PALS1: variants seen among roughly 807,000 people sequenced by gnomAD.
PALS1 encodes the protein protein associated with LIN7 1, MAGUK p55 family member.
Under a neutral mutation model 78.9 loss-of-function variants are expected in PALS1, and 31 were observed. That is an observed-to-expected ratio of 0.39 (90% CI 0.30 to 0.53). The LOEUF (loss-of-function observed/expected upper bound fraction) is 0.53. Ranked by LOEUF, PALS1 falls within the 20% of genes least tolerant of loss-of-function variation. The pLI is 0.67. For missense variants in PALS1, 704 were observed against 826.5 expected (o/e 0.85, Z 1.82); for synonymous variants, 276 against 270.9 (o/e 1.02, Z -0.18).
chr14:67,246,541 A>G (rs1320282266), intron 1 of PALS1, among the ~76,000 whole-genome samples: 1 of 151,382 alleles, frequency 6.6e-6, no homozygotes, highest in African/African-American at 2.4e-5. Flanking sequence ...AGATCTCCCT[A>G]TATTGCCCAA....
Position 67,279,219 on chromosome 14 carries a change from G to C in PALS1, c.49G>C (p.Glu17Gln), listed in dbSNP as rs781290440. 1 of 1,612,254 alleles carries C rather than the reference G, an allele frequency of 6.2e-7. No individual in the cohort carries two copies. Among genetic ancestry groups the C allele is most frequent in the Admixed American group, 1.7e-5 (1 of 59,468 alleles). Reference protein sequence around the residue: ...NGHVTEESDSEVKNVDLASPE... With the variant: ...NGHVTEESDSQVKNVDLASPE... ...GCATGTTACAGAGGAATCAGACAGC[G>C]AAGTAAAAAATGTTGATCTTGCATC... The change falls in exon 3 of 15, where the codon GAA (glutamate) becomes CAA (glutamine). Residue 17 changes from glutamate to glutamine, a missense_variant. Glu to Gln is a conservative substitution (Grantham distance 29). Coordinates refer to ENST00000261681, the MANE Select transcript of PALS1 (RefSeq NM_022474.4).
At chr14:67,313,615 A>G (rs1016188251) in intron 9 of PALS1, among the ~76,000 whole-genome samples, 5 of 152,218 alleles carry the variant, frequency 3.3e-5, no homozygotes, top group Admixed American at 3.3e-4. Flanking sequence ...GAATACATAC[A>G]GGATGATAAA....
At position 67,335,163 on chromosome 14, in the gene PALS1, C is replaced by CCCCTT. The variant is rs2085510091; in HGVS notation, c.*2210_*2214dup. 1 of 152,174 alleles carries CCCCTT rather than the reference C, an allele frequency of 6.6e-6. No homozygotes were observed. Among genetic ancestry groups the CCCCTT allele is most frequent in the Admixed American group, 6.5e-5 (1 of 15,272 alleles). The allele number at this position is 152,174 out of a possible 1,614,324, so 9.4% of individuals were successfully genotyped here. A position where few individuals can be genotyped will look rare whatever the true frequency, so the allele number is the denominator to read the frequency against. ...GTCAGTGAAGTCTATCAATCATTCT[C>CCCCTT]CCCTTCCTCATCAGCAATGGTAGAT... On this transcript the variant is annotated 3_prime_UTR_variant, in exon 15 of 15. Transcript: ENST00000261681.
At chr14:67,317,593 A>G in intron 11 of PALS1, 114 bp downstream of exon 11, 1 of 644,610 alleles carries the variant, frequency 1.6e-6, no homozygotes, top group Non-Finnish European at 2.5e-6. Flanking sequence ...AGTAGAAAGT[A>G]TTTTCTTTTG....
intron 1 of PALS1, among the ~76,000 whole-genome samples, chr14:67,267,704 A>G (rs1483270147): frequency 6.6e-6 from 1 of 152,222 alleles, no homozygotes; most frequent in Non-Finnish European, 1.5e-5. Flanking sequence ...ATCTAATATT[A>G]GGACACTTTT....
At chr14:67,308,463 T>G (rs1249414978) in intron 8 of PALS1, among the ~76,000 whole-genome samples, 1 of 151,986 alleles carries the variant, frequency 6.6e-6, no homozygotes, top group Non-Finnish European at 1.5e-5. Flanking sequence ...AAATTTATAC[T>G]TTTCCAAAGG....
At chr14:67,243,210 A>T (rs1473052263) in intron 1 of PALS1, among the ~76,000 whole-genome samples, 1 of 151,170 alleles carries the variant, frequency 6.6e-6, no homozygotes, top group African/African-American at 2.4e-5. Context: ...TTTTTGTGAG[A>T]CATAGTCTCG....
chr14:67,326,643 C>T (rs2085363107), intron 14 of PALS1, among the ~76,000 whole-genome samples: 1 of 152,048 alleles, frequency 6.6e-6, no homozygotes, highest in Non-Finnish European at 1.5e-5. Context: ...TCCATTCTTT[C>T]TTTCTGGCAA....
chr14:67,305,340 A>G (rs7158751), intron 8 of PALS1, among the ~76,000 whole-genome samples: 23,397 of 151,664 alleles, frequency 0.15, 3,379 homozygotes, highest in East Asian at 0.42. Flanking sequence ...GAGTGCAGTG[A>G]TGTGATCACG....
At chr14:67,295,659 T>TA (rs1166115869) in intron 4 of PALS1, among the ~76,000 whole-genome samples, 1 of 152,132 alleles carries the variant, frequency 6.6e-6, no homozygotes, top group African/African-American at 2.4e-5. Context: ...CATAATGAGA[T>TA]ACAGTTACAC....
rs532247458 is a variant in PALS1, at chr14:67,258,308, G to C, written c.-236-11393G>C. Among the ~76,000 whole-genome samples the C allele has an allele frequency of 2.6e-5, 4 of 152,196 alleles. No individual in the cohort carries two copies. The South Asian group carries it at 8.3e-4, about 32-fold the overall frequency. On this transcript the variant is annotated intron_variant, in intron 1 of 14. Coordinates refer to ENST00000261681, the MANE Select transcript of PALS1 (RefSeq NM_022474.4). ...CTAGCACTTTGGGATCCCAAGGCAG[G>C]TGGATCGCATGAGCTCAGGAGTTCG...
At chr14:67,251,525 C>T (rs182451692) in intron 1 of PALS1, among the ~76,000 whole-genome samples, 2 of 152,044 alleles carry the variant, frequency 1.3e-5, no homozygotes, top group African/African-American at 4.8e-5. Flanking sequence ...AGCAACAGAA[C>T]GAGAACCTGT....
intron 7 of PALS1, 77 bp downstream of exon 7, chr14:67,302,648 A>C: frequency 8.8e-7 from 1 of 1,139,740 alleles, no homozygotes; most frequent in Non-Finnish European, 1.2e-6. Flanking sequence ...AATATTTTTA[A>C]AATAACTGTT....
At chr14:67,260,451 A>T (rs1214859564) in intron 1 of PALS1, among the ~76,000 whole-genome samples, 1 of 152,246 alleles carries the variant, frequency 6.6e-6, no homozygotes, top group Non-Finnish European at 1.5e-5. Context: ...CTCATCAAAT[A>T]TGAGTTAACA....
At chr14:67,286,685 A>C (rs1220753196) in intron 3 of PALS1, among the ~76,000 whole-genome samples, 1 of 149,056 alleles carries the variant, frequency 6.7e-6, no homozygotes, top group Non-Finnish European at 1.5e-5. Flanking sequence ...GTGAAACTCC[A>C]TCTCTACCAA....
intron 8 of PALS1, among the ~76,000 whole-genome samples, chr14:67,308,264 TA>T (rs2085036165): frequency 6.8e-6 from 1 of 147,846 alleles, no homozygotes; most frequent in African/African-American, 2.5e-5. Flanking sequence ...GTAAAAAGTA[TA>T]AAAGCCAACC....
At chr14:67,242,474 G>T (rs2083919951) in intron 1 of PALS1, among the ~76,000 whole-genome samples, 1 of 152,190 alleles carries the variant, frequency 6.6e-6, no homozygotes, top group African/African-American at 2.4e-5. Flanking sequence ...ATGTTTTAAT[G>T]ATAGTTTACT....
chr14:67,329,911 C>A (rs17104246), intron 14 of PALS1, among the ~76,000 whole-genome samples: 3,005 of 151,138 alleles, frequency 0.02, 39 homozygotes, highest in Middle Eastern at 0.034. Context: ...GATGGTGTTA[C>A]TCACTGGATG....
intron 1 of PALS1, among the ~76,000 whole-genome samples, chr14:67,247,420 A>T (rs1403180942): frequency 6.6e-6 from 1 of 151,580 alleles, no homozygotes; most frequent in South Asian, 2.1e-4. Flanking sequence ...TATTTTAGTA[A>T]TTTTTTTTGG....
Sources: allele counts gnomAD v4.1 joint callset (sites outside exome capture counted in the v4.1 genomes callset), GRCh38; gene constraint gnomAD v4.1.1; transcripts MANE v1.5; gene names NCBI Gene and HGNC (gene_info 2026-07-23, HGNC 2026-07-21).